CTNNA2: variants seen among roughly 807,000 people sequenced by gnomAD.
CTNNA2 encodes the protein catenin alpha-2.
A neutral mutation model predicts 101.0 loss-of-function variants in CTNNA2; 42 were observed. The observed-to-expected ratio is 0.42, with a 90% CI of 0.32 to 0.54. The LOEUF (loss-of-function observed/expected upper bound fraction) is 0.54, where lower values mean the gene tolerates loss of function less well. Among genes scored for constraint, CTNNA2 ranks in the 20% least tolerant of loss-of-function variants. The pLI, the probability that CTNNA2 is intolerant of heterozygous loss-of-function variation, is 0.14. For missense variants in CTNNA2, 871 were observed against 1,223.1 expected (o/e 0.71, Z 4.29); for synonymous variants, 450 against 456.4 (o/e 0.99, Z 0.18).
chr2:80,215,769 A>G (rs562675610), intron 7 of CTNNA2, among the ~76,000 whole-genome samples: 1 of 152,258 alleles, frequency 6.6e-6, no homozygotes, highest in East Asian at 1.9e-4. Flanking sequence ...TGCTGGGAGA[A>G]CCACTACTCT....
chr2:79,456,970 G>A (rs1254351906), intron 4 of CTNNA2, among the ~76,000 whole-genome samples: 1 of 152,148 alleles, frequency 6.6e-6, no homozygotes, highest in Non-Finnish European at 1.5e-5. Flanking sequence ...GGAAGGCCGA[G>A]GCGGGCAGAT....
chr2:79,289,478 C>G (rs904182577), intron 2 of CTNNA2, among the ~76,000 whole-genome samples: 1 of 151,434 alleles, frequency 6.6e-6, no homozygotes, highest in Non-Finnish European at 1.5e-5. Flanking sequence ...ATTCAGCAAC[C>G]AGGCCAGGCG....
chr2:79,388,552 G>A (rs1678132815), intron 4 of CTNNA2, among the ~76,000 whole-genome samples: 1 of 152,164 alleles, frequency 6.6e-6, no homozygotes, highest in Non-Finnish European at 1.5e-5. Flanking sequence ...AAACACAGGT[G>A]CAGAATTTAC....
intron 7 of CTNNA2, among the ~76,000 whole-genome samples, chr2:79,982,714 T>C (rs1691472305): frequency 6.6e-6 from 1 of 152,132 alleles, no homozygotes. Context: ...TCCTCAGTGC[T>C]TGCGTTTTTT....
At chr2:79,461,720 C>CA (rs1670881476) in intron 4 of CTNNA2, among the ~76,000 whole-genome samples, 1 of 152,020 alleles carries the variant, frequency 6.6e-6, no homozygotes, top group African/African-American at 2.4e-5. Flanking sequence ...CACAAGTTAA[C>CA]ATGTGACCCT....
intron 9 of CTNNA2, among the ~76,000 whole-genome samples, chr2:80,459,022 A>G (rs973417694): frequency 3.2e-4 from 49 of 152,344 alleles, no homozygotes; most frequent in Admixed American, 7.2e-4. Flanking sequence ...TTAGATACAC[A>G]AATACTCACC....
chr2:79,920,092 CTG>C (rs1200887649), intron 7 of CTNNA2, among the ~76,000 whole-genome samples: 3 of 152,248 alleles, frequency 2.0e-5, no homozygotes, highest in South Asian at 2.1e-4. Context: ...TGGCGCATGC[CTG>C]TAATCCCAGC....
intron 7 of CTNNA2, among the ~76,000 whole-genome samples, chr2:80,113,005 G>C (rs1303786035): frequency 6.6e-6 from 1 of 152,082 alleles, no homozygotes; most frequent in African/African-American, 2.4e-5. Context: ...ATGATTAGCC[G>C]ATGCCATCTA....
intron 9 of CTNNA2, among the ~76,000 whole-genome samples, chr2:80,516,782 A>T (rs978105901): frequency 2.6e-5 from 4 of 152,238 alleles, no homozygotes; most frequent in Admixed American, 6.5e-5. Context: ...GTGAGCAAGA[A>T]ATACAGACAA....
intron 2 of CTNNA2, among the ~76,000 whole-genome samples, chr2:79,723,372 T>A (rs1428581565): frequency 6.6e-6 from 1 of 152,238 alleles, no homozygotes; most frequent in Non-Finnish European, 1.5e-5. Flanking sequence ...TGCTTTTCCC[T>A]ACTGGTATCA....
intron 2 of CTNNA2, among the ~76,000 whole-genome samples, chr2:79,223,100 C>T (rs1226855184): frequency 2.0e-5 from 3 of 152,128 alleles, no homozygotes; most frequent in Non-Finnish European, 4.4e-5. Context: ...TTTTAGGTTA[C>T]AGTGAGCTAT....
chr2:79,659,419 G>A (rs930615349), intron 2 of CTNNA2, among the ~76,000 whole-genome samples: 3 of 151,126 alleles, frequency 2.0e-5, no homozygotes, highest in Non-Finnish European at 4.4e-5. Context: ...ATACATTTGG[G>A]TGGTTTCTAT....
intron 9 of CTNNA2, among the ~76,000 whole-genome samples, chr2:80,481,414 A>G (rs1381478380): frequency 6.6e-6 from 1 of 152,130 alleles, no homozygotes; most frequent in Non-Finnish European, 1.5e-5. Context: ...AACTAATTAG[A>G]TAATTCAGTC....
intron 7 of CTNNA2, among the ~76,000 whole-genome samples, chr2:80,262,122 C>G (rs1672653171): frequency 6.6e-6 from 1 of 152,000 alleles, no homozygotes; most frequent in African/African-American, 2.4e-5. Context: ...ACACAAGATC[C>G]TACCACCTGG....
intron 7 of CTNNA2, among the ~76,000 whole-genome samples, chr2:80,349,324 C>G (rs1294590228): frequency 2.6e-5 from 4 of 152,176 alleles, no homozygotes; most frequent in African/African-American, 9.7e-5. Flanking sequence ...TCCATAGCAT[C>G]ACACTGAGAG....
chr2:80,179,905 G>C (rs967635279), intron 7 of CTNNA2, among the ~76,000 whole-genome samples: 1 of 152,174 alleles, frequency 6.6e-6, no homozygotes, highest in Non-Finnish European at 1.5e-5. Context: ...TTCTGGCACT[G>C]GAGAAGTGAC....
chr2:79,389,859 G>A (rs1032252956), intron 4 of CTNNA2, among the ~76,000 whole-genome samples: 9 of 152,022 alleles, frequency 5.9e-5, no homozygotes, highest in Non-Finnish European at 1.2e-4. Flanking sequence ...TCAATGGTAT[G>A]CCTTCTATTA....
At chr2:80,388,371 C>T (rs548366554) in intron 7 of CTNNA2, among the ~76,000 whole-genome samples, 1 of 152,272 alleles carries the variant, frequency 6.6e-6, no homozygotes, top group South Asian at 2.1e-4. Context: ...CATTACAGGG[C>T]CTATGTCTTT....
chr2:80,542,227 T>G (rs59734221), intron 9 of CTNNA2, among the ~76,000 whole-genome samples: 61,729 of 151,462 alleles, frequency 0.41, 12,778 homozygotes, highest in South Asian at 0.56. Context: ...GTAGTCTTAT[T>G]TACTTATTTA....
Sources: allele counts gnomAD v4.1 joint callset (sites outside exome capture counted in the v4.1 genomes callset), GRCh38; gene constraint gnomAD v4.1.1; transcripts MANE v1.5; gene names NCBI Gene and HGNC (gene_info 2026-07-23, HGNC 2026-07-21).